The following CUEDC1 variants were observed in gnomAD, a reference collection of about 807,000 sequenced individuals.
CUEDC1 encodes the protein CUE domain containing 1, also known as CUE domain-containing protein 1.
Under a neutral mutation model 43.7 loss-of-function variants are expected in CUEDC1, and 30 were observed. The ratio of observed to expected loss-of-function variants is 0.69; its 90% CI spans 0.51 to 0.93. The LOEUF (loss-of-function observed/expected upper bound fraction) is 0.93. Among genes scored for constraint, CUEDC1 ranks in the 40% least tolerant of loss-of-function variants. The probability of loss-of-function intolerance (pLI) is 0.00; values close to 1 mark genes in which losing one functional copy is unlikely to be tolerated. For synonymous variants in CUEDC1, 223 were observed against 223.6 expected (o/e 1.00, Z 0.02); for missense variants, 486 against 549.0 (o/e 0.89, Z 1.15).
intron 1 of CUEDC1, among the ~76,000 whole-genome samples, chr17:57,906,364 C>T (rs2074529872): frequency 6.6e-6 from 1 of 152,180 alleles, no homozygotes; most frequent in South Asian, 2.1e-4. Flanking sequence ...CATAGAAGTA[C>T]AAATATTGTA....
At chr17:57,926,080 T>C (rs532463348) in intron 1 of CUEDC1, among the ~76,000 whole-genome samples, 2 of 152,312 alleles carry the variant, frequency 1.3e-5, no homozygotes, top group South Asian at 4.1e-4. Flanking sequence ...ACTAGAGAAC[T>C]TCCTTCTCTG....
chr17:57,909,953 C>T (rs2074566487), intron 1 of CUEDC1, among the ~76,000 whole-genome samples: 1 of 152,182 alleles, frequency 6.6e-6, no homozygotes, highest in African/African-American at 2.4e-5. Context: ...GTTCTAGCAA[C>T]ACAATGACTG....
intron 2 of CUEDC1, among the ~76,000 whole-genome samples, chr17:57,881,186 A>G (rs916206826): frequency 5.3e-5 from 8 of 152,078 alleles, no homozygotes; most frequent in African/African-American, 1.5e-4. Context: ...ATACACACAC[A>G]CGCGCACATG....
At chr17:57,871,442 C>A (rs566369257) in intron 5 of CUEDC1, 73 bp from the exon 6 acceptor site, 2 of 1,280,456 alleles carry the variant, frequency 1.6e-6, no homozygotes, top group African/African-American at 1.5e-5. Context: ...GGCTGGGACA[C>A]GGTAGTTTGC....
intron 1 of CUEDC1, among the ~76,000 whole-genome samples, chr17:57,924,733 T>C (rs755158180): frequency 1.3e-5 from 2 of 152,112 alleles, no homozygotes; most frequent in Non-Finnish European, 2.9e-5. Flanking sequence ...GAAGAGGCCA[T>C]GCTAGAAGCC....
At chr17:57,950,661 C>T (rs1469979164) in intron 1 of CUEDC1, among the ~76,000 whole-genome samples, 3 of 151,926 alleles carry the variant, frequency 2.0e-5, no homozygotes, top group African/African-American at 7.3e-5. Context: ...TTAGTAGAGA[C>T]AGGGTTTCAC....
intron 1 of CUEDC1, among the ~76,000 whole-genome samples, chr17:57,892,954 T>C (rs2074370741): frequency 6.6e-6 from 1 of 152,162 alleles, no homozygotes. Context: ...CTCAGAACCC[T>C]TTGCAACACC....
chr17:57,909,474 G>A (rs76650777), intron 1 of CUEDC1, among the ~76,000 whole-genome samples: 540 of 152,310 alleles, frequency 3.5e-3, no homozygotes, highest in Middle Eastern at 6.8e-3. Context: ...AAGGACTATG[G>A]ATGGTCAATC....
intron 6 of CUEDC1, among the ~76,000 whole-genome samples, chr17:57,869,474 C>T (rs1169448776): frequency 6.6e-6 from 1 of 152,220 alleles, no homozygotes; most frequent in East Asian, 1.9e-4. Context: ...TGACCAACTC[C>T]ATGTTTCATG....
chr17:57,932,944 AG>A (rs1428561487), intron 1 of CUEDC1, among the ~76,000 whole-genome samples: 4 of 152,140 alleles, frequency 2.6e-5, no homozygotes, highest in Non-Finnish European at 5.9e-5. Flanking sequence ...CTAGAGAGTA[AG>A]GGGCTGTCCT....
At chr17:57,876,131 A>C (rs2074121806) in intron 3 of CUEDC1, among the ~76,000 whole-genome samples, 1 of 152,114 alleles carries the variant, frequency 6.6e-6, no homozygotes, top group Admixed American at 6.5e-5. Flanking sequence ...CAGCCAAAGG[A>C]AGATTCCTAA....
intron 3 of CUEDC1, among the ~76,000 whole-genome samples, chr17:57,877,131 A>G (rs2074136704): frequency 6.6e-6 from 1 of 152,186 alleles, no homozygotes; most frequent in Admixed American, 6.5e-5. Flanking sequence ...AAAGCCTTCC[A>G]TTTCCTGAGT....
intron 1 of CUEDC1, among the ~76,000 whole-genome samples, chr17:57,953,108 G>A (rs999687169): frequency 3.9e-5 from 6 of 152,134 alleles, no homozygotes; most frequent in Admixed American, 6.5e-5. Flanking sequence ...CTTAAGAGTC[G>A]TCTTTCACAC....
intron 1 of CUEDC1, among the ~76,000 whole-genome samples, chr17:57,936,189 A>G (rs1285986122): frequency 2.0e-5 from 3 of 152,190 alleles, no homozygotes; most frequent in Admixed American, 2.0e-4. Context: ...TTGTGACCCA[A>G]GGACAAAAGC....
At chr17:57,878,427 C>T (rs536402941) in intron 3 of CUEDC1, among the ~76,000 whole-genome samples, 2 of 152,222 alleles carry the variant, frequency 1.3e-5, no homozygotes, top group Admixed American at 1.3e-4. Flanking sequence ...TTCACCACTG[C>T]TCTGGGGCTG....
chr17:57,904,153 C>T (rs1376042898), intron 1 of CUEDC1, among the ~76,000 whole-genome samples: 1 of 152,084 alleles, frequency 6.6e-6, no homozygotes, highest in East Asian at 1.9e-4. Context: ...GCAGCCCCAG[C>T]TCTAGGAAGA....
At chr17:57,907,929 C>T (rs971104636) in intron 1 of CUEDC1, among the ~76,000 whole-genome samples, 1 of 151,732 alleles carries the variant, frequency 6.6e-6, no homozygotes, top group African/African-American at 2.4e-5. Flanking sequence ...GCAGAAGGCC[C>T]AAATTCCTGT....
chr17:57,873,768 G>T, intron 3 of CUEDC1, 51 bp from the exon 4 acceptor site: 2 of 1,493,854 alleles, frequency 1.3e-6, no homozygotes, highest in Non-Finnish European at 9.0e-7. Flanking sequence ...CCCAACCCCA[G>T]GTCTCCTGGC....
intron 1 of CUEDC1, among the ~76,000 whole-genome samples, chr17:57,890,020 G>A (rs1471043256): frequency 6.6e-6 from 1 of 152,214 alleles, no homozygotes; most frequent in Admixed American, 6.5e-5. Context: ...ACAGGTTTAC[G>A]AGCCTGTGCC....
Sources: allele counts gnomAD v4.1 joint callset (sites outside exome capture counted in the v4.1 genomes callset), GRCh38; gene constraint gnomAD v4.1.1; transcripts MANE v1.5; gene names NCBI Gene and HGNC (gene_info 2026-07-23, HGNC 2026-07-21).